RMND1: variants seen among roughly 807,000 people sequenced by gnomAD.
RMND1 encodes the protein required for meiotic nuclear division protein 1 homolog.
RMND1 carries 41 observed loss-of-function variants against 54.0 expected under a neutral mutation model. That is an observed-to-expected ratio of 0.76 (90% confidence interval 0.59 to 0.98). The LOEUF is 0.98. RMND1 is among the 50% of genes least tolerant of loss of function. The pLI is 0.00. For missense variants in RMND1, 457 were observed against 532.0 expected (o/e 0.86, Z 1.39); for synonymous variants, 183 against 181.7 (o/e 1.01, Z -0.06).
rs537321158 is a variant in RMND1, at chr6:151,434,328, A to G, written c.614-1098T>C. ...GGTTGTATGTCTTAACGGAATTAAC[A>G]TAAAATTAGGATCCTCAAAGCTTCA... On this transcript the variant is annotated intron_variant, in intron 3 of 11. Coordinates refer to ENST00000444024, the MANE Select transcript of RMND1 (RefSeq NM_017909.4). Among the ~76,000 whole-genome samples the G allele has an allele frequency of 3.4e-3, 395 of 114,648 alleles. 2 individuals are homozygous for G. Among genetic ancestry groups the G allele is most frequent in the African/African-American group, 0.014 (380 of 27,774 alleles). The allele number at this position is 114,648 out of a possible 152,430, so 75.2% of individuals were successfully genotyped here. A position where few individuals can be genotyped will look rare whatever the true frequency, so the allele number is the denominator to read the frequency against.
intron 8 of RMND1, among the ~76,000 whole-genome samples, chr6:151,421,936 C>T (rs1170167458): frequency 6.6e-6 from 1 of 151,732 alleles, no homozygotes; most frequent in Non-Finnish European, 1.5e-5. Context: ...GCAACATGGC[C>T]AGACCCCATT....
chr6:151,446,500 G>A (rs1780958034), intron 1 of RMND1, among the ~76,000 whole-genome samples: 1 of 152,092 alleles, frequency 6.6e-6, no homozygotes, highest in African/African-American at 2.4e-5. Flanking sequence ...TTTTCAGCTT[G>A]GGGCTGGGCA....
chr6:151,417,240 A>G, intron 10 of RMND1, 39 bp downstream of exon 10: 1 of 1,577,606 alleles, frequency 6.3e-7, no homozygotes, highest in Non-Finnish European at 8.6e-7. Flanking sequence ...ATAGGCGACA[A>G]CGTGTCTTTT....
In RMND1 at chr6:151,446,311, G is replaced by A. The variant is rs369658661; in HGVS notation, c.-14-486C>T. ...CTGGGTGTGATGGCAGCTCATGCCT[G>A]TAGTCCCAGCTACTCACAGGCTGAG... On this transcript the variant is annotated intron_variant, in intron 1 of 11. Coordinates refer to ENST00000444024, the MANE Select transcript of RMND1 (RefSeq NM_017909.4). Among the ~76,000 whole-genome samples the A allele has an allele frequency of 2.6e-5, 4 of 151,870 alleles. No homozygotes were observed. The East Asian group carries it at 5.8e-4, about 22-fold the overall frequency.
At chr6:151,445,171 G>T in intron 2 of RMND1, 137 bp downstream of exon 2, 1 of 799,738 alleles carries the variant, frequency 1.3e-6, no homozygotes. Flanking sequence ...TATTTATTAG[G>T]CTTCAAAGAC....
At chr6:151,419,572 G>A (rs905611094) in intron 9 of RMND1, among the ~76,000 whole-genome samples, 5 of 151,426 alleles carry the variant, frequency 3.3e-5, no homozygotes, top group Admixed American at 2.0e-4. Context: ...TACCCAGGAG[G>A]GTGAGGCAGG....
Position 151,415,792 on chromosome 6 carries a change from CAA to C in RMND1, c.1200+1485_1200+1486del, listed in dbSNP as rs3029408. Among the ~76,000 whole-genome samples, 669 of 93,706 alleles carry C rather than the reference CAA, an allele frequency of 7.1e-3. 1 individual carries two copies. The highest frequency in any genetic ancestry group is 0.022 in the African/African-American group (565 of 25,688). 61.5% of individuals were successfully genotyped at this position (93,706 alleles called of 152,430 possible). ...TGGGCAACAGAGCAAGACTCCGTCT[CAA>C]AAAAAAAAAAAAAAAAAAAGTCACA... is the stretch of plus-strand genomic sequence containing the variant. On this transcript the variant is annotated intron_variant, in intron 10 of 11. Coordinates refer to ENST00000444024, the MANE Select transcript of RMND1 (RefSeq NM_017909.4).
intron 10 of RMND1, chr6:151,416,610 G>A (rs1780014734): frequency 6.6e-6 from 1 of 152,092 alleles, no homozygotes; most frequent in Non-Finnish European, 1.5e-5. Context: ...TTTTAGTAGA[G>A]ACAGGGTTTC....
rs11398229 is a variant in RMND1 at position 151,434,409 on chromosome 6, A to ATT, written c.614-1181_614-1180dup. The stretch of plus-strand genomic sequence containing the variant: ...AATTCAGACACAGACCAAAACTGTG[A>ATT]TTTTTTTTTTTTTTCTAAATTGTTA... On this transcript the variant is annotated intron_variant, in intron 3 of 11. Coordinates refer to ENST00000444024, the MANE Select transcript of RMND1 (RefSeq NM_017909.4). Among the ~76,000 whole-genome samples the ATT allele has an allele frequency of 3.1e-3, 452 of 146,618 alleles. 2 individuals carry two copies. Among genetic ancestry groups the ATT allele is most frequent in the African/African-American group, 0.01 (415 of 40,024 alleles).
chr6:151,433,781 A>G (rs934645421), intron 3 of RMND1, among the ~76,000 whole-genome samples: 5 of 152,164 alleles, frequency 3.3e-5, no homozygotes, highest in African/African-American at 7.2e-5. Flanking sequence ...GTTAATCACT[A>G]CAGGGGCTAC....
chr6:151,435,822 G>A (rs1332455426), intron 3 of RMND1, among the ~76,000 whole-genome samples: 2 of 150,676 alleles, frequency 1.3e-5, no homozygotes, highest in Non-Finnish European at 3.0e-5. Context: ...CTAAAATAAC[G>A]GGCTGGGTGT....
intron 2 of RMND1, among the ~76,000 whole-genome samples, chr6:151,442,437 T>A (rs961175940): frequency 1.3e-5 from 2 of 152,230 alleles, no homozygotes; most frequent in African/African-American, 4.8e-5. Flanking sequence ...ACATTCTCCC[T>A]GGTGTCGGGC....
At chr6:151,450,636 G>T in intron 1 of RMND1, among the ~76,000 whole-genome samples, 1 of 150,352 alleles carries the variant, frequency 6.7e-6, no homozygotes, top group African/African-American at 2.5e-5. Context: ...GGGCGCCTCT[G>T]CCCGGCCGCC....
chr6:151,448,778 G>C (rs1011145639), intron 1 of RMND1, among the ~76,000 whole-genome samples: 3 of 152,146 alleles, frequency 2.0e-5, no homozygotes, highest in Admixed American at 6.5e-5. Context: ...GTGGCTTCAC[G>C]GTTCACTTAA....
At chr6:151,413,303 G>A (rs1779912706) in intron 10 of RMND1, among the ~76,000 whole-genome samples, 1 of 152,160 alleles carries the variant, frequency 6.6e-6, no homozygotes, top group Admixed American at 6.5e-5. Context: ...CCAGGCTGGA[G>A]TGCAGTGGTG....
intron 2 of RMND1, among the ~76,000 whole-genome samples, chr6:151,437,955 C>G (rs1221868253): frequency 2.6e-5 from 4 of 152,146 alleles, no homozygotes; most frequent in Non-Finnish European, 5.9e-5. Context: ...GTCAGACAAG[C>G]TGAAATTACT....
chr6:151,411,432 T>C, intron 10 of RMND1: 1 of 152,322 alleles, frequency 6.6e-6, no homozygotes, highest in Non-Finnish European at 1.5e-5. Flanking sequence ...GTGAACCCCT[T>C]CATGGAGGGA....
At chr6:151,412,092 C>A (rs1779857551) in intron 10 of RMND1, among the ~76,000 whole-genome samples, 1 of 152,140 alleles carries the variant, frequency 6.6e-6, no homozygotes, top group African/African-American at 2.4e-5. Flanking sequence ...CTCTGCCCCC[C>A]TTAGGTTCAA....
intron 1 of RMND1, among the ~76,000 whole-genome samples, chr6:151,451,436 T>A (rs1781192863): frequency 6.6e-6 from 1 of 151,870 alleles, no homozygotes; most frequent in Admixed American, 6.5e-5. Context: ...GCATTGGGAG[T>A]GACAGACAAA....
Sources: allele counts gnomAD v4.1 joint callset (sites outside exome capture counted in the v4.1 genomes callset), GRCh38; gene constraint gnomAD v4.1.1; transcripts MANE v1.5; gene names NCBI Gene and HGNC (gene_info 2026-07-23, HGNC 2026-07-21).